Variants in ADAM23 observed in about 807,000 individuals in gnomAD.
ADAM23 encodes ADAM metallopeptidase domain 23, also known as disintegrin and metalloproteinase domain-containing protein 23.
In ADAM23, 33 loss-of-function variants were observed where a neutral mutation model predicts 120.1. That is an observed-to-expected ratio of 0.27 (90% CI 0.21 to 0.37). ADAM23 has a LOEUF of 0.37. Ranked by LOEUF, ADAM23 falls within the 10% of genes least tolerant of loss-of-function variation. The pLI is 1.00. For missense variants in ADAM23, 862 were observed against 1,058.2 expected, an observed-to-expected ratio of 0.81 and a Z score of 2.57; for synonymous variants, 367 against 375.2, an observed-to-expected ratio of 0.98 and a Z score of 0.25.
At position 206,567,331 on chromosome 2, in the gene ADAM23, C is replaced by T. The variant is rs887881539; in HGVS notation, c.1494+9C>T. On this transcript the variant is annotated intron_variant, in intron 15 of 25. Transcript: ENST00000264377. ...TCAACAGGCCAACAAAGGTTAGTAA[C>T]TTAGAAAGCATACTAAGAAAGTATA... The T allele has an allele frequency of 3.1e-5, 49 of 1,597,104 alleles. No individual in the cohort carries two copies. The highest frequency in any genetic ancestry group is 4.0e-5 in the Non-Finnish European group (47 of 1,164,996).
chr2:206,477,897 A>AAAAAAT (rs374524658), intron 2 of ADAM23, among the ~76,000 whole-genome samples: 2 of 93,604 alleles, frequency 2.1e-5, no homozygotes, highest in African/African-American at 1.0e-4. Context: ...AAAAAAAAAA[A>AAAAAAT]ATATATATAT....
chr2:206,507,911 A>G (rs898018340), intron 3 of ADAM23, among the ~76,000 whole-genome samples: 3 of 152,314 alleles, frequency 2.0e-5, no homozygotes, highest in African/African-American at 7.2e-5. Flanking sequence ...CTGCAGACCA[A>G]TGATCCTGTG....
intron 2 of ADAM23, among the ~76,000 whole-genome samples, chr2:206,464,200 C>T (rs1695490551): frequency 6.6e-6 from 1 of 152,204 alleles, no homozygotes; most frequent in South Asian, 2.1e-4. Flanking sequence ...AACGAAACTT[C>T]CCATTTTTGT....
intron 20 of ADAM23, among the ~76,000 whole-genome samples, chr2:206,588,882 C>G (rs1698376016): frequency 6.6e-6 from 1 of 152,196 alleles, no homozygotes; most frequent in South Asian, 2.1e-4. Context: ...GATTTACATT[C>G]AGTGCTTTAG....
intron 2 of ADAM23, among the ~76,000 whole-genome samples, chr2:206,473,844 T>C (rs1695717645): frequency 1.3e-5 from 2 of 150,804 alleles, no homozygotes; most frequent in Admixed American, 1.3e-4. Flanking sequence ...CCCATCTCTA[T>C]GAAAAAATAA....
chr2:206,485,013 CTA>C (rs1695981643), intron 3 of ADAM23, among the ~76,000 whole-genome samples: 2 of 152,212 alleles, frequency 1.3e-5, no homozygotes, highest in South Asian at 4.1e-4. Context: ...CCATATGGAA[CTA>C]TGAGTCCATT....
At chr2:206,529,116 A>G (rs915626619) in intron 3 of ADAM23, among the ~76,000 whole-genome samples, 3 of 152,194 alleles carry the variant, frequency 2.0e-5, no homozygotes, top group Non-Finnish European at 2.9e-5. Context: ...AGTGACTGCC[A>G]CAATGCCAAT....
In ADAM23 at chr2:206,591,349, T is replaced by C. The variant is rs566465134; in HGVS notation, c.1959-1268T>C. ...CCTGACTTTTGTGGCAGTCACTTTCTTGCTTTTCTTTAGAGTTTTACTGCC... is the reference window on the plus strand; with the variant it reads ...CCTGACTTTTGTGGCAGTCACTTTCCTGCTTTTCTTTAGAGTTTTACTGCC... On this transcript the variant is annotated intron_variant, in intron 21 of 25. Coordinates refer to ENST00000264377, the MANE Select transcript of ADAM23 (RefSeq NM_003812.4). 2.0e-5 allele frequency among the ~76,000 whole-genome samples: 3 copies of C among 152,358 alleles called. No homozygotes were observed. In the South Asian group the frequency reaches 6.2e-4, roughly 32 times the overall value.
At chr2:206,472,966 C>T (rs955406703) in intron 2 of ADAM23, among the ~76,000 whole-genome samples, 1 of 152,132 alleles carries the variant, frequency 6.6e-6, no homozygotes, top group African/African-American at 2.4e-5. Context: ...CTGTAATAGC[C>T]TTCAAACGGT....
At chr2:206,599,586 G>A (rs551734265) in intron 24 of ADAM23, among the ~76,000 whole-genome samples, 495 of 152,220 alleles carry the variant, frequency 3.3e-3, no homozygotes, top group Non-Finnish European at 5.9e-3. Context: ...GTTTTTGATT[G>A]TCAGGTTAAA....
intron 3 of ADAM23, among the ~76,000 whole-genome samples, chr2:206,485,952 A>G (rs1391444793): frequency 6.6e-6 from 1 of 152,228 alleles, no homozygotes; most frequent in Non-Finnish European, 1.5e-5. Flanking sequence ...CACAGCTGGG[A>G]CAGCAAGACA....
chr2:206,533,260 G>T (rs1300874359), intron 4 of ADAM23, among the ~76,000 whole-genome samples: 1 of 152,058 alleles, frequency 6.6e-6, no homozygotes, highest in African/African-American at 2.4e-5. Context: ...AGAGTGCAGT[G>T]GTGCAATCTC....
intron 3 of ADAM23, among the ~76,000 whole-genome samples, chr2:206,524,044 A>T (rs1273354519): frequency 6.6e-6 from 1 of 152,112 alleles, no homozygotes. Flanking sequence ...GATGAATGTC[A>T]GCGCTCATTT....
chr2:206,577,883 T>G (rs1698147481), intron 18 of ADAM23, among the ~76,000 whole-genome samples: 1 of 151,194 alleles, frequency 6.6e-6, no homozygotes, highest in Admixed American at 6.6e-5. Flanking sequence ...CCACCAACAG[T>G]GTAAAAGTGT....
At chr2:206,520,366 C>T (rs942002743) in intron 3 of ADAM23, among the ~76,000 whole-genome samples, 17 of 152,288 alleles carry the variant, frequency 1.1e-4, no homozygotes, top group African/African-American at 4.1e-4. Flanking sequence ...AAAAATCTTA[C>T]TCTTCCTTTA....
At position 206,588,081 on chromosome 2, in the gene ADAM23, C is replaced by G. The variant is rs754398875; in HGVS notation, c.1789-10C>G. Reference sequence around the variant, plus strand: ...CTCTGTGTGCCTCACATGTGTGCTCCTGTCCCCAGGGCCGCTGCTACAATG... The same window carrying G: ...CTCTGTGTGCCTCACATGTGTGCTCGTGTCCCCAGGGCCGCTGCTACAATG... On this transcript the variant is annotated splice_polypyrimidine_tract_variant and intron_variant, in intron 19 of 25. Transcript: ENST00000264377. 2 of 1,614,062 alleles carry G rather than the reference C, an allele frequency of 1.2e-6. No homozygotes were observed. The highest frequency in any genetic ancestry group is 2.2e-5 in the East Asian group (1 of 44,864).
intron 3 of ADAM23, among the ~76,000 whole-genome samples, chr2:206,509,862 A>T (rs1368875242): frequency 6.6e-6 from 1 of 152,250 alleles, no homozygotes; most frequent in African/African-American, 2.4e-5. Context: ...TAATGAAGAC[A>T]AGTATCAGTA....
chr2:206,479,566 T>A (rs1339031842), intron 2 of ADAM23, among the ~76,000 whole-genome samples: 1 of 152,234 alleles, frequency 6.6e-6, no homozygotes, highest in African/African-American at 2.4e-5. Flanking sequence ...AATATCTTTA[T>A]GCAAAAATTA....
At chr2:206,477,897 A>AAAAATATATATATATATATATAT (rs374524658) in intron 2 of ADAM23, among the ~76,000 whole-genome samples, 6 of 93,566 alleles carry the variant, frequency 6.4e-5, no homozygotes, top group African/African-American at 2.1e-4. Context: ...AAAAAAAAAA[A>AAAAATATATATATATATATATAT]ATATATATAT....
Sources: gnomAD v4.1 joint callset for allele counts (sites outside exome capture counted in the v4.1 genomes callset) on GRCh38, gnomAD v4.1.1 for gene constraint, MANE v1.5 for transcripts, NCBI Gene and HGNC (gene_info 2026-07-23, HGNC 2026-07-21) for gene names.